Variants in ANGPT1 observed in about 807,000 individuals in gnomAD.
ANGPT1 encodes the protein angiopoietin-1.
A neutral mutation model predicts 62.2 loss-of-function variants in ANGPT1; 17 were observed. That is an observed-to-expected ratio of 0.27 (90% CI 0.19 to 0.41). The LOEUF (loss-of-function observed/expected upper bound fraction) is 0.41. ANGPT1 is among the 10% of genes least tolerant of loss of function. The pLI is 1.00. For missense variants in ANGPT1, 478 were observed against 594.9 expected (o/e 0.80, Z 2.04); for synonymous variants, 199 against 198.9 (o/e 1.00, Z 0.00).
chr8:107,419,072 C>A (rs1190342795), intron 1 of ANGPT1, among the ~76,000 whole-genome samples: 2 of 152,076 alleles, frequency 1.3e-5, no homozygotes. Context: ...GGTCTAAAAT[C>A]GGTCATGATC....
chr8:107,464,408 C>A (rs746895429), intron 1 of ANGPT1, among the ~76,000 whole-genome samples: 1 of 151,962 alleles, frequency 6.6e-6, no homozygotes, highest in African/African-American at 2.4e-5. Context: ...TGTTTACACT[C>A]GCTGAAAATA....
In ANGPT1 at chr8:107,349,164, A is replaced by AGATAGATC. The variant is rs944017528; in HGVS notation, c.298-2068_298-2067insGATCTATC. ...TAGATAGATAGATAGATAGATAGAT[A>AGATAGATC]GATCTATGTACATACATAGACACTT... is the stretch of plus-strand genomic sequence containing the variant. On this transcript the variant is annotated intron_variant, in intron 1 of 8. Coordinates refer to ENST00000517746, the MANE Select transcript of ANGPT1 (RefSeq NM_001146.5). Among the ~76,000 whole-genome samples the AGATAGATC allele has an allele frequency of 1.1e-4, 16 of 152,022 alleles. 1 individual carries two copies. Among genetic ancestry groups the AGATAGATC allele is most frequent in the South Asian group, 4.2e-4 (2 of 4,818 alleles).
chr8:107,379,937 C>T (rs1187112817), intron 1 of ANGPT1, among the ~76,000 whole-genome samples: 3 of 152,090 alleles, frequency 2.0e-5, no homozygotes, highest in African/African-American at 7.2e-5. Context: ...ATGTTGGGGT[C>T]TTGAGATATC....
chr8:107,390,924 A>G (rs1816822393), intron 1 of ANGPT1, among the ~76,000 whole-genome samples: 1 of 152,094 alleles, frequency 6.6e-6, no homozygotes, highest in South Asian at 2.1e-4. Context: ...TCCCTTCATT[A>G]TTAAAACGGA....
intron 1 of ANGPT1, among the ~76,000 whole-genome samples, chr8:107,486,517 C>T (rs1812819185): frequency 6.6e-6 from 1 of 152,174 alleles, no homozygotes; most frequent in South Asian, 2.1e-4. Flanking sequence ...TTAACTAACA[C>T]TGTACCCAGA....
chr8:107,432,563 C>T (rs1408643437), intron 1 of ANGPT1, among the ~76,000 whole-genome samples: 1 of 151,362 alleles, frequency 6.6e-6, no homozygotes, highest in East Asian at 2.0e-4. Context: ...ACTCGGGAGG[C>T]TGAGGCAGGA....
At chr8:107,289,725 C>A (rs1213470736) in intron 6 of ANGPT1, among the ~76,000 whole-genome samples, 1 of 152,118 alleles carries the variant, frequency 6.6e-6, no homozygotes, top group Non-Finnish European at 1.5e-5. Context: ...GAATGGTGCT[C>A]ACACTGAAAT....
chr8:107,494,389 G>A (rs151207550), intron 1 of ANGPT1, among the ~76,000 whole-genome samples: 127 of 152,198 alleles, frequency 8.3e-4, no homozygotes, highest in African/African-American at 2.8e-3. Flanking sequence ...CTAAGAGCTG[G>A]TCACTCTCAG....
chr8:107,274,242 G>A (rs1192651869), intron 7 of ANGPT1, among the ~76,000 whole-genome samples: 1 of 152,098 alleles, frequency 6.6e-6, no homozygotes, highest in Non-Finnish European at 1.5e-5. Context: ...TTACCTATAT[G>A]CACATTCAAG....
chr8:107,480,816 G>T (rs1235522279), intron 1 of ANGPT1, among the ~76,000 whole-genome samples: 1 of 152,164 alleles, frequency 6.6e-6, no homozygotes, highest in Non-Finnish European at 1.5e-5. Context: ...TTTCTTTGAA[G>T]AATTGTAACA....
intron 1 of ANGPT1, among the ~76,000 whole-genome samples, chr8:107,492,534 G>A (rs1029410455): frequency 3.7e-4 from 56 of 151,988 alleles, no homozygotes; most frequent in African/African-American, 4.1e-4. Context: ...ACAGGGTTTC[G>A]CCATGTTGGC....
At chr8:107,485,011 A>G (rs1046779215) in intron 1 of ANGPT1, among the ~76,000 whole-genome samples, 1 of 152,180 alleles carries the variant, frequency 6.6e-6, no homozygotes, top group African/African-American at 2.4e-5. Context: ...AACCCTTAAA[A>G]TCAAGAAAAT....
At chr8:107,304,738 A>T (rs1027679856) in intron 4 of ANGPT1, among the ~76,000 whole-genome samples, 1 of 151,898 alleles carries the variant, frequency 6.6e-6, no homozygotes, top group East Asian at 1.9e-4. Flanking sequence ...TTTATGTCAG[A>T]TATGTTGCCA....
intron 1 of ANGPT1, among the ~76,000 whole-genome samples, chr8:107,364,365 C>T (rs1816229571): frequency 2.6e-5 from 4 of 152,128 alleles, no homozygotes; most frequent in Admixed American, 2.6e-4. Flanking sequence ...ACTGTAACCT[C>T]CATCTCCCAG....
At chr8:107,323,905 G>A (rs1413406523) in intron 3 of ANGPT1, among the ~76,000 whole-genome samples, 3 of 151,836 alleles carry the variant, frequency 2.0e-5, no homozygotes, top group Admixed American at 6.6e-5. Flanking sequence ...TCAGCCTCCC[G>A]AGTAGTTGGG....
intron 1 of ANGPT1, among the ~76,000 whole-genome samples, chr8:107,434,580 G>C (rs1164251500): frequency 6.6e-6 from 1 of 151,692 alleles, no homozygotes; most frequent in Non-Finnish European, 1.5e-5. Flanking sequence ...GGCAGTCTCA[G>C]CTAAGACAAA....
chr8:107,288,338 G>A (rs115816989), intron 6 of ANGPT1, among the ~76,000 whole-genome samples: 2,016 of 151,962 alleles, frequency 0.013, 50 homozygotes, highest in African/African-American at 0.045. Flanking sequence ...TGTTTCCTTC[G>A]ACTCTCCCTT....
At position 107,445,071 on chromosome 8, in the gene ANGPT1, C is replaced by A. The variant is rs117443851; in HGVS notation, c.297+52191G>T. Among the ~76,000 whole-genome samples the A allele has an allele frequency of 3.6e-3, 547 of 152,310 alleles. 2 individuals carry two copies. The highest frequency in any genetic ancestry group is 6.5e-3 in the Non-Finnish European group (441 of 68,028). ...CTGACAATACATACTAATTTGCAGT[C>A]TCTCACTTTGCATTTTCTACAGCTG... On this transcript the variant is annotated intron_variant, in intron 1 of 8. Transcript: ENST00000517746.
intron 1 of ANGPT1, among the ~76,000 whole-genome samples, chr8:107,441,828 G>A (rs4734970): frequency 0.23 from 35,343 of 152,008 alleles, 4,437 homozygotes; most frequent in East Asian, 0.57. Flanking sequence ...GCTCATGCCT[G>A]TAATCCCAGC....
Sources: allele counts gnomAD v4.1 joint callset (sites outside exome capture counted in the v4.1 genomes callset), GRCh38; gene constraint gnomAD v4.1.1; transcripts MANE v1.5; gene names NCBI Gene and HGNC (gene_info 2026-07-23, HGNC 2026-07-21).